ADI1: variants seen among roughly 807,000 people sequenced by gnomAD.
ADI1 encodes acireductone dioxygenase 1.
Under a neutral mutation model 18.7 loss-of-function variants are expected in ADI1, and 21 were observed. That is an observed-to-expected ratio of 1.13 (90% CI 0.80 to 1.62). ADI1 has a LOEUF of 1.62. Among genes scored for constraint, ADI1 ranks in the 40% most tolerant of loss-of-function variants. The pLI is 0.00. For synonymous variants in ADI1, 90 were observed against 100.1 expected, an observed-to-expected ratio of 0.90 and a Z score of 0.60; for missense variants, 245 against 254.9, an observed-to-expected ratio of 0.96 and a Z score of 0.26.
chr2:3,508,350 A>AAC (rs1667220567), intron 2 of ADI1, among the ~76,000 whole-genome samples: 2 of 147,402 alleles, frequency 1.4e-5, no homozygotes, highest in African/African-American at 5.2e-5. Context: ...AAAAAAAAAA[A>AAC]AAAAAAAAAA....
At chr2:3,510,947 T>A (rs1667283756) in intron 2 of ADI1, among the ~76,000 whole-genome samples, 1 of 152,246 alleles carries the variant, frequency 6.6e-6, no homozygotes, top group Admixed American at 6.5e-5. Flanking sequence ...AGAATTACTC[T>A]GATATGAAAT....
chr2:3,515,715 C>T lies in ADI1; in HGVS notation c.121-1739G>A, dbSNP rs181654237. 1,027 of 168,350 alleles carry T rather than the reference C, an allele frequency of 6.1e-3. 6 individuals are homozygous for T. Among genetic ancestry groups the T allele is most frequent in the African/African-American group, 0.024 (994 of 41,798 alleles). The allele number at this position is 168,350 out of a possible 1,614,324, so 10.4% of individuals were successfully genotyped here. A position where few individuals can be genotyped will look rare whatever the true frequency, so the allele number is the denominator to read the frequency against. The stretch of plus-strand genomic sequence containing the variant: ...TTACACCCCCTCCCCTTTTGAAACC[C>T]TTAATAAAAACTTGCTGGTCTGAGA... On this transcript the variant is annotated intron_variant, in intron 1 of 3. Transcript: ENST00000327435.
chr2:3,508,669 A>C (rs746222011), intron 2 of ADI1, among the ~76,000 whole-genome samples: 1 of 152,034 alleles, frequency 6.6e-6, no homozygotes, highest in African/African-American at 2.4e-5. Context: ...TGGGAGGCCA[A>C]GGCAAGAAGA....
chr2:3,500,500 C>CAACCCT, intron 3 of ADI1: 1 of 282,440 alleles, frequency 3.5e-6, no homozygotes, highest in South Asian at 3.6e-5. Context: ...AGGGCTGGGG[C>CAACCCT]AGGGCCAGGC....
chr2:3,515,037 AATTG>A (rs1302015988), intron 1 of ADI1: 1 of 560,438 alleles, frequency 1.8e-6, no homozygotes, highest in South Asian at 3.1e-5. Flanking sequence ...TAACTGTACA[AATTG>A]ATTGTAAAAC....
At chr2:3,514,961 T>C in intron 1 of ADI1, 1 of 1,414,746 alleles carries the variant, frequency 7.1e-7, no homozygotes, top group Non-Finnish European at 9.4e-7. Flanking sequence ...GTCTTTAATC[T>C]CTTAATCCTG....
chr2:3,506,738 C>T (rs961090785), intron 2 of ADI1, among the ~76,000 whole-genome samples: 8 of 152,326 alleles, frequency 5.3e-5, no homozygotes, highest in Admixed American at 2.0e-4. Flanking sequence ...GAATACCCAA[C>T]ACAATATTGA....
intron 2 of ADI1, among the ~76,000 whole-genome samples, chr2:3,508,370 A>G (rs1667223069): frequency 6.6e-6 from 1 of 151,272 alleles, no homozygotes; most frequent in Non-Finnish European, 1.5e-5. Flanking sequence ...ACAATAACAA[A>G]GAACAAGCAC....
intron 2 of ADI1, among the ~76,000 whole-genome samples, chr2:3,505,228 T>A (rs1667150685): frequency 6.6e-6 from 1 of 152,230 alleles, no homozygotes; most frequent in Non-Finnish European, 1.5e-5. Flanking sequence ...AAAAACCAAC[T>A]CTTTTTAAAT....
intron 2 of ADI1, among the ~76,000 whole-genome samples, chr2:3,510,274 C>T (rs1403547817): frequency 6.6e-6 from 1 of 151,984 alleles, no homozygotes. Context: ...ATGATTGCAC[C>T]ACTGCACTTT....
In ADI1 at chr2:3,497,715, G is replaced by A. The variant is rs1338032850; in HGVS notation, c.*1248C>T. On this transcript the variant is annotated 3_prime_UTR_variant, in exon 4 of 4. Coordinates refer to ENST00000327435, the MANE Select transcript of ADI1 (RefSeq NM_018269.4). Reference sequence around the variant, plus strand: ...GCTCTGAAGTGAAGAAATCCCAGGCGCCACATCAAGGAGGCGAAACTAGAG... The same window carrying A: ...GCTCTGAAGTGAAGAAATCCCAGGCACCACATCAAGGAGGCGAAACTAGAG... The A allele has an allele frequency of 2.0e-5, 3 of 152,164 alleles. No homozygotes were observed. The highest frequency in any genetic ancestry group is 4.4e-5 in the Non-Finnish European group (3 of 68,044). The allele number at this position is 152,164 out of a possible 1,614,324, so 9.4% of individuals were successfully genotyped here.
chr2:3,514,812 C>A (rs778201371), intron 1 of ADI1: 9 of 1,548,696 alleles, frequency 5.8e-6, no homozygotes, highest in Non-Finnish European at 7.8e-6. Context: ...ACTTACTGAA[C>A]AACAAACTCC....
chr2:3,504,345 G>T (rs905994462), intron 2 of ADI1, among the ~76,000 whole-genome samples: 1 of 152,234 alleles, frequency 6.6e-6, no homozygotes, highest in Admixed American at 6.5e-5. Flanking sequence ...TACCAGGAGA[G>T]AAGTAATTCC....
chr2:3,499,984 G>A (rs930528616), intron 3 of ADI1, among the ~76,000 whole-genome samples: 10 of 151,604 alleles, frequency 6.6e-5, no homozygotes, highest in Non-Finnish European at 1.2e-4. Context: ...AGAATCGCTT[G>A]AGCTTGGGAG....
chr2:3,514,773 T>C, intron 1 of ADI1: 1 of 1,544,426 alleles, frequency 6.5e-7, no homozygotes, highest in Non-Finnish European at 8.7e-7. Context: ...CTTTATGTTT[T>C]GCAATAAACT....
At chr2:3,507,520 A>C (rs1289270004) in intron 2 of ADI1, among the ~76,000 whole-genome samples, 2 of 152,120 alleles carry the variant, frequency 1.3e-5, no homozygotes, top group Non-Finnish European at 2.9e-5. Flanking sequence ...GAAAAAAAAA[A>C]CTACCAACCT....
chr2:3,515,912 T>A (rs2103213720), intron 1 of ADI1: 1 of 985,450 alleles, frequency 1.0e-6, no homozygotes. Flanking sequence ...CCAGAACATA[T>A]TAAAGTACTA....
intron 1 of ADI1, among the ~76,000 whole-genome samples, chr2:3,518,168 A>G (rs1367602962): frequency 6.6e-6 from 1 of 152,266 alleles, no homozygotes; most frequent in East Asian, 1.9e-4. Flanking sequence ...CTAGGAAAAG[A>G]CAAATACTAT....
intron 1 of ADI1, chr2:3,516,437 G>A (rs1289070445): frequency 2.1e-5 from 3 of 144,802 alleles, no homozygotes; most frequent in African/African-American, 7.7e-5. Context: ...AGCCAAGACT[G>A]CGCTACCAGC....
Sources: gnomAD v4.1 joint callset for allele counts (sites outside exome capture counted in the v4.1 genomes callset) on GRCh38, gnomAD v4.1.1 for gene constraint, MANE v1.5 for transcripts, NCBI Gene and HGNC (gene_info 2026-07-23, HGNC 2026-07-21) for gene names.